The following BMPER variants were observed in gnomAD, a reference collection of about 807,000 sequenced individuals.
The protein encoded by BMPER is BMP-binding endothelial regulator protein.
In BMPER, 45 loss-of-function variants were observed where a neutral mutation model predicts 87.3. The ratio of observed to expected loss-of-function variants is 0.52; its 90% CI spans 0.41 to 0.66. The LOEUF (loss-of-function observed/expected upper bound fraction) is 0.66, where lower values mean the gene tolerates loss of function less well. BMPER is among the 30% of genes least tolerant of loss of function. BMPER has a pLI of 0.00. For synonymous variants in BMPER, 326 were observed against 316.2 expected (o/e 1.03, Z -0.33); for missense variants, 784 against 867.5 (o/e 0.90, Z 1.21).
At chr7:33,999,951 G>A (rs924643161) in intron 6 of BMPER, among the ~76,000 whole-genome samples, 1 of 152,132 alleles carries the variant, frequency 6.6e-6, no homozygotes, top group Admixed American at 6.6e-5. Context: ...AACCCTCTAG[G>A]GGAGAGTGCC....
chr7:33,917,960 T>C (rs1210083693), intron 2 of BMPER, among the ~76,000 whole-genome samples: 3 of 152,202 alleles, frequency 2.0e-5, no homozygotes, highest in Non-Finnish European at 4.4e-5. Context: ...AAAGCTGCTC[T>C]TCCATTTCTT....
At chr7:34,112,265 CG>C (rs1333489324) in intron 13 of BMPER, among the ~76,000 whole-genome samples, 1 of 151,788 alleles carries the variant, frequency 6.6e-6, no homozygotes, top group African/African-American at 2.4e-5. Flanking sequence ...GAGGCTGAGG[CG>C]GGCGGATCAC....
chr7:34,078,838 G>A lies in BMPER; in HGVS notation c.1079-19G>A. On this transcript the variant is annotated intron_variant, in intron 11 of 14. Transcript: ENST00000649409. Reference sequence around the variant, plus strand: ...TGGCTTGGTTTGTGACCCGGCTTTTGTCTCTCACTCCTCCGCAGAGCCCGG... The same window carrying A: ...TGGCTTGGTTTGTGACCCGGCTTTTATCTCTCACTCCTCCGCAGAGCCCGG... 1 of 1,613,662 alleles carries A rather than the reference G, an allele frequency of 6.2e-7. No individual in the cohort carries two copies. Among genetic ancestry groups the A allele is most frequent in the Non-Finnish European group, 8.5e-7 (1 of 1,179,648 alleles).
intron 9 of BMPER, among the ~76,000 whole-genome samples, chr7:34,057,222 T>C (rs1233162916): frequency 6.6e-6 from 1 of 152,216 alleles, no homozygotes; most frequent in African/African-American, 2.4e-5. Flanking sequence ...TTGTTTTGTT[T>C]TCAGCCCAAC....
chr7:34,042,137 G>A (rs1787848534), intron 6 of BMPER, among the ~76,000 whole-genome samples: 3 of 152,104 alleles, frequency 2.0e-5, no homozygotes, highest in Admixed American at 6.5e-5. Flanking sequence ...AAGCAATTGT[G>A]TTCTTAATGG....
intron 13 of BMPER, among the ~76,000 whole-genome samples, chr7:34,105,547 G>A (rs889431207): frequency 6.6e-6 from 1 of 152,176 alleles, no homozygotes; most frequent in Admixed American, 6.5e-5. Context: ...CAGTTTGATC[G>A]TCAACTCACA....
intron 13 of BMPER, among the ~76,000 whole-genome samples, chr7:34,126,876 AT>A (rs1280117123): frequency 6.6e-6 from 1 of 152,198 alleles, no homozygotes; most frequent in Non-Finnish European, 1.5e-5. Flanking sequence ...TTTAAAAAAA[AT>A]GTCCAAATTG....
intron 8 of BMPER, among the ~76,000 whole-genome samples, chr7:34,054,913 G>C (rs150451110): frequency 6.6e-6 from 1 of 152,290 alleles, no homozygotes; most frequent in East Asian, 1.9e-4. Flanking sequence ...TCTCTGGAAC[G>C]TGAAATCATA....
intron 10 of BMPER, among the ~76,000 whole-genome samples, chr7:34,061,270 C>G (rs1166820570): frequency 6.6e-6 from 1 of 152,120 alleles, no homozygotes; most frequent in Non-Finnish European, 1.5e-5. Flanking sequence ...GATAAGACAA[C>G]TGATTTTCTG....
intron 14 of BMPER, among the ~76,000 whole-genome samples, chr7:34,146,194 T>G (rs1396199915): frequency 1.3e-5 from 2 of 152,132 alleles, no homozygotes; most frequent in African/African-American, 2.4e-5. Flanking sequence ...ATAAAAGCCC[T>G]CTTTACTTGT....
At chr7:34,115,074 G>T (rs1790075312) in intron 13 of BMPER, among the ~76,000 whole-genome samples, 1 of 152,232 alleles carries the variant, frequency 6.6e-6, no homozygotes, top group African/African-American at 2.4e-5. Flanking sequence ...TGAATTAAGT[G>T]CATACTATAT....
intron 11 of BMPER, among the ~76,000 whole-genome samples, chr7:34,071,079 T>C (rs757639771): frequency 1.3e-5 from 2 of 152,146 alleles, no homozygotes; most frequent in African/African-American, 2.4e-5. Flanking sequence ...TTTATTTACA[T>C]TCTTCTTTTG....
chr7:33,967,983 T>C (rs1373670807), intron 4 of BMPER, among the ~76,000 whole-genome samples: 1 of 152,220 alleles, frequency 6.6e-6, no homozygotes, highest in African/African-American at 2.4e-5. Flanking sequence ...AGGGACTATT[T>C]TGTTGACTGA....
chr7:34,125,901 C>G (rs909610312), intron 13 of BMPER, among the ~76,000 whole-genome samples: 4 of 152,146 alleles, frequency 2.6e-5, no homozygotes, highest in Admixed American at 1.3e-4. Flanking sequence ...TGAAATGTAT[C>G]CAATTAATGG....
At chr7:34,061,928 A>G (rs2127965309) in intron 10 of BMPER, 74 bp from the exon 11 acceptor site, 1 of 1,244,574 alleles carries the variant, frequency 8.0e-7, no homozygotes, top group South Asian at 1.3e-5. Context: ...TTTTAAAAAG[A>G]TATTTGTCCT....
At chr7:33,961,069 A>C (rs1785259642) in intron 3 of BMPER, among the ~76,000 whole-genome samples, 1 of 152,084 alleles carries the variant, frequency 6.6e-6, no homozygotes, top group African/African-American at 2.4e-5. Context: ...GGAGAAGGAG[A>C]ACATGGATGA....
intron 14 of BMPER, among the ~76,000 whole-genome samples, chr7:34,146,577 T>G (rs1791028215): frequency 1.3e-5 from 2 of 152,234 alleles, no homozygotes; most frequent in South Asian, 4.1e-4. Context: ...ATTAGCATTT[T>G]ATATTATATT....
chr7:34,034,016 A>G (rs533650354), intron 6 of BMPER, among the ~76,000 whole-genome samples: 4 of 152,282 alleles, frequency 2.6e-5, no homozygotes, highest in Admixed American at 6.5e-5. Flanking sequence ...TTCTTGAGAA[A>G]GACCTTTGGA....
intron 3 of BMPER, among the ~76,000 whole-genome samples, chr7:33,962,045 A>AT (rs1318516558): frequency 6.6e-6 from 1 of 152,200 alleles, no homozygotes. Context: ...GGCCAATGCC[A>AT]TTTTTTATGG....
Sources: allele counts gnomAD v4.1 joint callset (sites outside exome capture counted in the v4.1 genomes callset), GRCh38; gene constraint gnomAD v4.1.1; transcripts MANE v1.5; gene names NCBI Gene and HGNC (gene_info 2026-07-23, HGNC 2026-07-21).